Variants in SIL1 observed in about 807,000 individuals in gnomAD.
SIL1 encodes nucleotide exchange factor SIL1.
SIL1 carries 40 observed loss-of-function variants against 49.1 expected under a neutral mutation model. The observed-to-expected ratio is 0.81, with a 90% CI of 0.63 to 1.06. The LOEUF (loss-of-function observed/expected upper bound fraction) is 1.06. SIL1 is among the 50% of genes least tolerant of loss of function. SIL1 has a pLI of 0.00. For missense variants in SIL1, 500 were observed against 572.6 expected (o/e 0.87, Z 1.29); for synonymous variants, 253 against 250.8 (o/e 1.01, Z -0.08).
chr5:139,144,706 A>G (rs1702463225), intron 1 of SIL1, among the ~76,000 whole-genome samples: 1 of 152,176 alleles, frequency 6.6e-6, no homozygotes, highest in African/African-American at 2.4e-5. Flanking sequence ...CCCCGTCTCT[A>G]CTAAAAATAC....
intron 5 of SIL1, among the ~76,000 whole-genome samples, chr5:139,033,773 TAAAAAG>T (rs2150438653): frequency 6.6e-6 from 1 of 152,292 alleles, no homozygotes; most frequent in Admixed American, 6.5e-5. Flanking sequence ...CATGGACACT[TAAAAAG>T]AATGTATATT....
At chr5:139,123,845 A>T (rs940705012) in intron 2 of SIL1, among the ~76,000 whole-genome samples, 2 of 152,226 alleles carry the variant, frequency 1.3e-5, no homozygotes, top group African/African-American at 4.8e-5. Flanking sequence ...TTTATGTGAA[A>T]TGTTCTTATT....
At chr5:139,173,773 C>T (rs1211918662) in intron 1 of SIL1, among the ~76,000 whole-genome samples, 10 of 135,714 alleles carry the variant, frequency 7.4e-5, no homozygotes, top group Admixed American at 3.9e-4. Context: ...GGTGAAACCC[C>T]GTCTCTACTA....
chr5:139,166,646 T>G (rs1751629505), intron 1 of SIL1, among the ~76,000 whole-genome samples: 2 of 152,114 alleles, frequency 1.3e-5, no homozygotes, highest in African/African-American at 4.8e-5. Context: ...AAGGAGTGAC[T>G]TTTTTTCTTT....
At chr5:139,085,051 G>A (rs1770183281) in intron 3 of SIL1, among the ~76,000 whole-genome samples, 1 of 152,148 alleles carries the variant, frequency 6.6e-6, no homozygotes, top group African/African-American at 2.4e-5. Context: ...TCCCAACAGT[G>A]CCACAGTATT....
intron 3 of SIL1, among the ~76,000 whole-genome samples, chr5:139,098,873 G>A (rs1011877230): frequency 2.2e-5 from 3 of 137,844 alleles, no homozygotes; most frequent in African/African-American, 8.1e-5. Context: ...CTGGAGTGCA[G>A]TGGTGTGATC....
chr5:138,978,728 G>A (rs541047564), intron 7 of SIL1, among the ~76,000 whole-genome samples: 11 of 152,292 alleles, frequency 7.2e-5, no homozygotes, highest in African/African-American at 2.6e-4. Context: ...AGTATACAGT[G>A]TTCTCTCATT....
intron 7 of SIL1, among the ~76,000 whole-genome samples, chr5:138,965,697 T>TA (rs1461508464): frequency 8.8e-5 from 13 of 147,422 alleles, no homozygotes; most frequent in African/African-American, 3.1e-4. Context: ...CGGAGGGGGA[T>TA]AACAGCACTC....
intron 7 of SIL1, among the ~76,000 whole-genome samples, chr5:139,017,754 G>A (rs971849006): frequency 6.6e-6 from 1 of 152,146 alleles, no homozygotes; most frequent in African/African-American, 2.4e-5. Flanking sequence ...AAGGCTGCCT[G>A]GCCTCTGAAA....
chr5:139,169,627 G>A (rs1191752844), intron 1 of SIL1, among the ~76,000 whole-genome samples: 1 of 151,808 alleles, frequency 6.6e-6, no homozygotes. Flanking sequence ...GACTACAGGT[G>A]CACACCACCA....
intron 3 of SIL1, among the ~76,000 whole-genome samples, chr5:139,070,860 C>T (rs1769816020): frequency 6.6e-6 from 1 of 152,054 alleles, no homozygotes. Context: ...AATTTTACCA[C>T]TGAGTAACAA....
chr5:139,134,328 G>T (rs966741006), intron 1 of SIL1, among the ~76,000 whole-genome samples: 1 of 152,122 alleles, frequency 6.6e-6, no homozygotes, highest in Non-Finnish European at 1.5e-5. Context: ...TAGAGATGGG[G>T]TTTCACCATG....
intron 7 of SIL1, among the ~76,000 whole-genome samples, chr5:138,964,093 G>A (rs1251988228): frequency 6.6e-6 from 1 of 152,226 alleles, no homozygotes; most frequent in Admixed American, 6.5e-5. Flanking sequence ...TTCCCATTCT[G>A]TGGAAATCTT....
At chr5:139,001,765 C>T (rs548761276) in intron 7 of SIL1, among the ~76,000 whole-genome samples, 38 of 151,960 alleles carry the variant, frequency 2.5e-4, no homozygotes, top group South Asian at 2.1e-3. Context: ...ATTAGCTGGG[C>T]GTGGTGGCGG....
chr5:139,052,136 C>T (rs967439474), intron 3 of SIL1, among the ~76,000 whole-genome samples: 1 of 152,126 alleles, frequency 6.6e-6, no homozygotes. Flanking sequence ...ATCAGGTAAA[C>T]TCAAGTATAG....
At chr5:139,016,681 C>T (rs2150424529) in intron 7 of SIL1, among the ~76,000 whole-genome samples, 1 of 152,188 alleles carries the variant, frequency 6.6e-6, no homozygotes, top group African/African-American at 2.4e-5. Context: ...TGGCAGCCAA[C>T]AGTTTGACTG....
At chr5:138,986,125 A>G (rs184123230) in intron 7 of SIL1, among the ~76,000 whole-genome samples, 2 of 152,342 alleles carry the variant, frequency 1.3e-5, no homozygotes, top group East Asian at 1.9e-4. Context: ...CATTCACTAT[A>G]GCAAAGAGGC....
intron 2 of SIL1, among the ~76,000 whole-genome samples, chr5:139,122,818 C>A (rs1419811970): frequency 6.6e-6 from 1 of 152,070 alleles, no homozygotes; most frequent in Non-Finnish European, 1.5e-5. Flanking sequence ...AATATCTTGG[C>A]AAGAAGAAGC....
intron 6 of SIL1, among the ~76,000 whole-genome samples, chr5:139,026,551 C>T (rs1173875892): frequency 1.3e-5 from 2 of 152,180 alleles, no homozygotes; most frequent in Admixed American, 1.3e-4. Context: ...TGCAGTGAGC[C>T]GAGATCGCGC....
Sources: gnomAD v4.1 joint callset for allele counts (sites outside exome capture counted in the v4.1 genomes callset) on GRCh38, gnomAD v4.1.1 for gene constraint, MANE v1.5 for transcripts, NCBI Gene and HGNC (gene_info 2026-07-23, HGNC 2026-07-21) for gene names.